The following SLCO3A1 variants were observed in gnomAD, a reference collection of about 807,000 sequenced individuals.
SLCO3A1 encodes PGE1 transporter.
Under a neutral mutation model 63.1 loss-of-function variants are expected in SLCO3A1, and 27 were observed. The observed-to-expected ratio is 0.43, with a 90% CI of 0.32 to 0.59. The LOEUF (loss-of-function observed/expected upper bound fraction) is 0.59. SLCO3A1 is among the 20% of genes least tolerant of loss of function. SLCO3A1 has a pLI of 0.09. For missense variants in SLCO3A1, 773 were observed against 945.8 expected (o/e 0.82, Z 2.40); for synonymous variants, 473 against 409.9 (o/e 1.15, Z -1.86).
At chr15:91,925,110 T>C (rs1220847164) in intron 2 of SLCO3A1, among the ~76,000 whole-genome samples, 2 of 152,254 alleles carry the variant, frequency 1.3e-5, no homozygotes, top group Non-Finnish European at 2.9e-5. Context: ...ACCCATCTTA[T>C]TTGCTTTTCA....
In SLCO3A1 at chr15:91,860,666, C is replaced by T. The variant is rs184195553; in HGVS notation, c.180+6578C>T. On this transcript the variant is annotated intron_variant, in intron 1 of 9. Transcript: ENST00000318445. The surrounding 1 kb of genome is among the most constrained non-coding windows in gnomAD (Gnocchi z 5.5). The stretch of plus-strand genomic sequence containing the variant: ...AAGGGAGCCCGAGGTGTCAGGAGGG[C>T]GAGGACAAAGGGACATATGTTGTGG... Among the ~76,000 whole-genome samples, 3 of 152,294 alleles carry T rather than the reference C, an allele frequency of 2.0e-5. No individual in the cohort carries two copies. The highest frequency in any genetic ancestry group is 2.1e-4 in the South Asian group (1 of 4,824).
At chr15:91,939,697 T>C (rs1899549821) in intron 2 of SLCO3A1, among the ~76,000 whole-genome samples, 1 of 152,068 alleles carries the variant, frequency 6.6e-6, no homozygotes, top group African/African-American at 2.4e-5. Context: ...ATTCCAGTCA[T>C]AGCTTGGACT....
At chr15:91,966,256 A>G (rs1221049040) in intron 2 of SLCO3A1, among the ~76,000 whole-genome samples, 1 of 152,152 alleles carries the variant, frequency 6.6e-6, no homozygotes, top group Non-Finnish European at 1.5e-5. Flanking sequence ...TTTGTGACAG[A>G]TTTGGGACGC....
intron 2 of SLCO3A1, among the ~76,000 whole-genome samples, chr15:91,983,806 A>G (rs528174342): frequency 6.6e-6 from 1 of 152,328 alleles, no homozygotes; most frequent in East Asian, 1.9e-4. Flanking sequence ...ATTCACAAAC[A>G]TGTTTATAGA....
chr15:91,977,862 A>G (rs1901179245), intron 2 of SLCO3A1, among the ~76,000 whole-genome samples: 1 of 152,212 alleles, frequency 6.6e-6, no homozygotes, highest in African/African-American at 2.4e-5. Context: ...TTGAGATTAA[A>G]AACATATTTC....
chr15:92,168,414 G>C (rs903448129), downstream of SLCO3A1, among the ~76,000 whole-genome samples: 6 of 152,202 alleles, frequency 3.9e-5, no homozygotes, highest in African/African-American at 9.6e-5. Context: ...AGTCTGTGTT[G>C]CAACTTCTCA....
At chr15:92,023,583 C>G (rs956900478) in intron 2 of SLCO3A1, among the ~76,000 whole-genome samples, 1 of 152,062 alleles carries the variant, frequency 6.6e-6, no homozygotes, top group South Asian at 2.1e-4. Flanking sequence ...ATTATCCTGC[C>G]TCAGCCTCCC....
At chr15:91,994,188 G>C (rs2046162120) in intron 2 of SLCO3A1, among the ~76,000 whole-genome samples, 1 of 152,152 alleles carries the variant, frequency 6.6e-6, no homozygotes, top group Non-Finnish European at 1.5e-5. Context: ...ATGTGTGCCA[G>C]GCTTTGTTTT....
intron 1 of SLCO3A1, among the ~76,000 whole-genome samples, chr15:91,890,154 C>T (rs1334280253): frequency 6.6e-6 from 1 of 152,158 alleles, no homozygotes; most frequent in Non-Finnish European, 1.5e-5. Flanking sequence ...GTTATTTCCC[C>T]TCAATATTTT....
intron 2 of SLCO3A1, among the ~76,000 whole-genome samples, chr15:91,936,828 C>T (rs905021733): frequency 6.6e-6 from 1 of 152,148 alleles, no homozygotes. Flanking sequence ...ATTGCTTTAG[C>T]CCCCAGGAGG....
intron 2 of SLCO3A1, among the ~76,000 whole-genome samples, chr15:92,035,962 C>G (rs1245987669): frequency 1.4e-5 from 2 of 146,732 alleles, no homozygotes; most frequent in Non-Finnish European, 3.1e-5. Flanking sequence ...AGTGTAGACT[C>G]TAGTGTCAGC....
chr15:91,938,374 A>G (rs1440730114), intron 2 of SLCO3A1, among the ~76,000 whole-genome samples: 1 of 152,114 alleles, frequency 6.6e-6, no homozygotes, highest in African/African-American at 2.4e-5. Context: ...TTAAAAAGTG[A>G]TGAGACGAAA....
intron 7 of SLCO3A1, among the ~76,000 whole-genome samples, chr15:92,130,533 G>C (rs1254995886): frequency 6.6e-6 from 1 of 152,174 alleles, no homozygotes; most frequent in Non-Finnish European, 1.5e-5. Flanking sequence ...AAGTGGATGA[G>C]GGATTTGGAG....
chr15:92,171,868 T>C, exon 11 of SLCO3A1: 1 of 1,546,502 alleles, frequency 6.5e-7, no homozygotes, highest in Non-Finnish European at 8.8e-7. Flanking sequence ...GCTGAGGGCC[T>C]GGCCCTCTTC....
downstream of SLCO3A1, among the ~76,000 whole-genome samples, chr15:92,168,605 G>A (rs1195701526): frequency 6.6e-6 from 1 of 152,212 alleles, no homozygotes; most frequent in Non-Finnish European, 1.5e-5. Flanking sequence ...CCTAGCGGCT[G>A]AGCATAGGTG....
At chr15:91,891,657 A>T (rs1257810409) in intron 1 of SLCO3A1, among the ~76,000 whole-genome samples, 1 of 152,190 alleles carries the variant, frequency 6.6e-6, no homozygotes, top group Non-Finnish European at 1.5e-5. Flanking sequence ...CTTACAGGGT[A>T]ATGTTTCTTT....
intron 2 of SLCO3A1, among the ~76,000 whole-genome samples, chr15:92,029,648 T>G (rs1358810163): frequency 2.7e-5 from 4 of 149,764 alleles, no homozygotes; most frequent in Non-Finnish European, 5.9e-5. Context: ...TTTTTGACTG[T>G]TTTTTTTCCC....
chr15:91,963,838 G>T (rs1015662904), intron 2 of SLCO3A1, among the ~76,000 whole-genome samples: 5 of 152,054 alleles, frequency 3.3e-5, no homozygotes, highest in Admixed American at 1.3e-4. Context: ...TGTGAAGAGC[G>T]AAAGAACAAA....
At chr15:91,880,115 G>A (rs71411112) in intron 1 of SLCO3A1, among the ~76,000 whole-genome samples, 11,679 of 108,986 alleles carry the variant, frequency 0.11, 710 homozygotes, top group Middle Eastern at 0.18. Flanking sequence ...CCGTCCGTCC[G>A]TCCGTCCGTC....
Sources: allele counts gnomAD v4.1 joint callset (sites outside exome capture counted in the v4.1 genomes callset), GRCh38; gene constraint gnomAD v4.1.1; non-coding constraint Gnocchi (gnomAD v3.1); transcripts MANE v1.5; gene names NCBI Gene and HGNC (gene_info 2026-07-23, HGNC 2026-07-21).